ARMC10: variants seen among roughly 807,000 people sequenced by gnomAD.
The protein encoded by ARMC10 is armadillo repeat-containing protein 10.
In ARMC10, 23 loss-of-function variants were observed where a neutral mutation model predicts 30.2. That is an observed-to-expected ratio of 0.76 (90% confidence interval 0.55 to 1.08). The LOEUF (loss-of-function observed/expected upper bound fraction) is 1.08, where lower values mean the gene tolerates loss of function less well. Ranked by LOEUF, ARMC10 falls within the 50% of genes least tolerant of loss-of-function variation. The pLI, the probability that ARMC10 is intolerant of heterozygous loss-of-function variation, is 0.00. For synonymous variants in ARMC10, 111 were observed against 164.4 expected, an observed-to-expected ratio of 0.68 and a Z score of 2.48; for missense variants, 303 against 413.7, an observed-to-expected ratio of 0.73 and a Z score of 2.32.
At chr7:103,081,593 TCA>T (rs2129520852) in intron 2 of ARMC10, among the ~76,000 whole-genome samples, 3 of 152,328 alleles carry the variant, frequency 2.0e-5, no homozygotes, top group South Asian at 4.1e-4. Context: ...CAGGCTGGTC[TCA>T]GACTCCTCAG....
At position 103,075,801 on chromosome 7, in the gene ARMC10, A is replaced by T. The variant is rs368418363; in HGVS notation, c.164A>T (p.Glu55Val). The change falls in exon 2 of 7, where the codon GAG (glutamate) becomes GTG (valine). Residue 55 changes from glutamate to valine, a missense_variant. Transcript: ENST00000323716. ...GGTGCCCTGGAAGAAGGGACGTCAG[A>T]GGGTCAGTTGTGCGGGCGCTCGGCC... The part of the protein sequence containing the change: ...SAGALEEGTS[E>V]GQLCGRSARP... The T allele has an allele frequency of 3.4e-5, 54 of 1,610,266 alleles. No individual in the cohort carries two copies. The African/African-American group carries it at 5.6e-4, about 17-fold the overall frequency.
intron 4 of ARMC10, among the ~76,000 whole-genome samples, chr7:103,091,210 C>G (rs1197822030): frequency 6.6e-6 from 1 of 152,122 alleles, no homozygotes; most frequent in African/African-American, 2.4e-5. Context: ...AGGCAGATCA[C>G]TTGAGCTCAA....
intron 5 of ARMC10, chr7:103,097,012 C>G: frequency 2.1e-6 from 1 of 486,642 alleles, no homozygotes; most frequent in Non-Finnish European, 3.7e-6. Context: ...CTCTATCTCC[C>G]TAACGATGTA....
At chr7:103,088,318 G>A (rs984101031) in intron 4 of ARMC10, among the ~76,000 whole-genome samples, 1 of 152,102 alleles carries the variant, frequency 6.6e-6, no homozygotes, top group African/African-American at 2.4e-5. Context: ...AGTAGGATTG[G>A]AAGTCCTTGG....
At chr7:103,080,081 C>A (rs1800242147) in intron 2 of ARMC10, among the ~76,000 whole-genome samples, 1 of 152,196 alleles carries the variant, frequency 6.6e-6, no homozygotes, top group Admixed American at 6.5e-5. Context: ...CTTTCACAGT[C>A]TTGTTGGCAC....
chr7:103,080,254 TG>T (rs1304051815), intron 2 of ARMC10, among the ~76,000 whole-genome samples: 1 of 152,244 alleles, frequency 6.6e-6, no homozygotes, highest in Non-Finnish European at 1.5e-5. Flanking sequence ...ACATGGTTTT[TG>T]TTTTGTTTTG....
chr7:103,087,691 T>C (rs1046032263), intron 4 of ARMC10: 33 of 814,840 alleles, frequency 4.0e-5, no homozygotes, highest in Non-Finnish European at 4.6e-5. Context: ...AACCAAACTT[T>C]ATTTCCTTGA....
chr7:103,077,662 G>A (rs1016629087), intron 2 of ARMC10, among the ~76,000 whole-genome samples: 3 of 152,142 alleles, frequency 2.0e-5, no homozygotes, highest in African/African-American at 4.8e-5. Context: ...ATTAAGTTTC[G>A]ACATGAGTTT....
At chr7:103,084,436 GT>G (rs1182194304) in intron 3 of ARMC10, among the ~76,000 whole-genome samples, 1 of 152,090 alleles carries the variant, frequency 6.6e-6, no homozygotes, top group African/African-American at 2.4e-5. Context: ...TGAATTTATA[GT>G]TTTTTTTAGC....
chr7:103,082,958 C>T (rs1800521255), intron 2 of ARMC10: 1 of 414,672 alleles, frequency 2.4e-6, no homozygotes, highest in Admixed American at 2.7e-5. Flanking sequence ...AACAAAAATG[C>T]CACACTAGCA....
At chr7:103,076,071 A>T (rs993890029) in intron 2 of ARMC10, among the ~76,000 whole-genome samples, 190 bp downstream of exon 2, 1 of 152,224 alleles carries the variant, frequency 6.6e-6, no homozygotes, top group Non-Finnish European at 1.5e-5. Flanking sequence ...ACTCCTGTCC[A>T]CAATTGTAGA....
chr7:103,086,644 A>G lies in ARMC10; in HGVS notation c.408A>G (p.Glu136=). The change falls in exon 4 of 7, where the codon GAA becomes GAG. Residue 136 remains glutamate, a synonymous_variant. Transcript: ENST00000323716. ...AFSVNQAIIR[E]LGGIPIVANK... The stretch of plus-strand genomic sequence containing the variant: ...TCCCCTCGTAGGCTATTATTCGTGA[A>G]TTGGGTGGTATTCCAATTGTTGCAA... 2 of 1,584,744 alleles carry G rather than the reference A, an allele frequency of 1.3e-6. No homozygotes were observed. Among genetic ancestry groups the G allele is most frequent in the East Asian group, 4.5e-5 (2 of 44,298 alleles).
intron 2 of ARMC10, among the ~76,000 whole-genome samples, chr7:103,081,539 A>AT (rs985074248): frequency 3.3e-5 from 5 of 151,826 alleles, no homozygotes; most frequent in African/African-American, 1.2e-4. Flanking sequence ...CGCCTGGCTA[A>AT]TTTTTTTCTG....
chr7:103,079,712 T>C (rs1184079645), intron 2 of ARMC10, among the ~76,000 whole-genome samples: 1 of 152,246 alleles, frequency 6.6e-6, no homozygotes, highest in Non-Finnish European at 1.5e-5. Context: ...CCCAAATCAA[T>C]AACTTCTTGT....
intron 3 of ARMC10, among the ~76,000 whole-genome samples, chr7:103,085,795 A>G (rs1800795072): frequency 6.6e-6 from 1 of 151,782 alleles, no homozygotes; most frequent in Non-Finnish European, 1.5e-5. Flanking sequence ...TTGTATTTTT[A>G]GTAGAGATGG....
At position 103,075,211 on chromosome 7, in the gene ARMC10, C is replaced by T. The variant is rs1257131961; in HGVS notation, c.-62C>T. On this transcript the variant is annotated 5_prime_UTR_variant, in exon 1 of 7. Coordinates refer to ENST00000323716, the MANE Select transcript of ARMC10 (RefSeq NM_031905.5). ...TAGGCCCGCGTGCGCTGGAGACCTC[C>T]GCGCTGGCCCCCGCGAGCCTCCTGC... 4 of 1,115,286 alleles carry T rather than the reference C, an allele frequency of 3.6e-6. No individual in the cohort carries two copies. The highest frequency in any genetic ancestry group is 4.4e-6 in the Non-Finnish European group (4 of 911,740). 69.1% of individuals were successfully genotyped at this position (1,115,286 alleles called of 1,614,324 possible). A position where few individuals can be genotyped will look rare whatever the true frequency, so the allele number is the denominator to read the frequency against.
At chr7:103,092,764 C>G in intron 5 of ARMC10, 111 bp downstream of exon 5, 1 of 710,752 alleles carries the variant, frequency 1.4e-6, no homozygotes, top group Non-Finnish European at 2.1e-6. Flanking sequence ...CTCACATGGG[C>G]CCAAGAAAGT....
intron 2 of ARMC10, among the ~76,000 whole-genome samples, chr7:103,079,391 A>T (rs566223628): frequency 2.0e-5 from 3 of 152,346 alleles, no homozygotes; most frequent in African/African-American, 7.2e-5. Context: ...GTAAGGAATA[A>T]ATAGAAGGAA....
chr7:103,097,392 C>T lies in ARMC10; in HGVS notation c.777+44C>T, dbSNP rs1801844493. 7 of 1,335,562 alleles carry T rather than the reference C, an allele frequency of 5.2e-6. No homozygotes were observed. The Admixed American group carries it at 1.2e-4, about 23-fold the overall frequency. 82.7% of individuals were successfully genotyped at this position (1,335,562 alleles called of 1,614,324 possible). A position where few individuals can be genotyped will look rare whatever the true frequency, so the allele number is the denominator to read the frequency against. ...TATTTTGTAAATATACACATATATACATTTGAACAGACAGACAGATCTGGA... is the reference window on the plus strand; with the variant it reads ...TATTTTGTAAATATACACATATATATATTTGAACAGACAGACAGATCTGGA... On this transcript the variant is annotated intron_variant, in intron 6 of 6. Transcript: ENST00000323716.
Sources: allele counts gnomAD v4.1 joint callset (sites outside exome capture counted in the v4.1 genomes callset), GRCh38; gene constraint gnomAD v4.1.1; transcripts MANE v1.5; gene names NCBI Gene and HGNC (gene_info 2026-07-23, HGNC 2026-07-21).